The following PHKA1 variants were observed in gnomAD, a reference collection of about 807,000 sequenced individuals.
The protein encoded by PHKA1 is phosphorylase kinase regulatory subunit alpha 1.
A neutral mutation model predicts 110.2 loss-of-function variants in PHKA1; 60 were observed. The observed-to-expected ratio is 0.54, with a 90% CI of 0.44 to 0.68. The LOEUF (loss-of-function observed/expected upper bound fraction) is 0.68, where lower values mean the gene tolerates loss of function less well. PHKA1 is among the 30% of genes least tolerant of loss of function. The pLI is 0.00. For missense variants in PHKA1, 801 were observed against 942.5 expected (o/e 0.85, Z 1.97); for synonymous variants, 316 against 333.6 (o/e 0.95, Z 0.58).
chrX:72,608,781 G>A (rs2052766260), intron 23 of PHKA1, among the ~76,000 whole-genome samples: 1 of 111,018 alleles, frequency 9.0e-6, no homozygotes, highest in Admixed American at 9.6e-5. Context: ...AAAAAATGAG[G>A]GAGAAATATT....
At chrX:72,600,064 AT>A (rs1222372285) in intron 28 of PHKA1, among the ~76,000 whole-genome samples, 49 of 108,077 alleles carry the variant, frequency 4.5e-4, no homozygotes, top group Admixed American at 3.9e-3. Context: ...TACCCTTATA[AT>A]TTTTTTTTTC....
chrX:72,646,289 A>C (rs2053358887), intron 13 of PHKA1, among the ~76,000 whole-genome samples: 1 of 111,827 alleles, frequency 8.9e-6, no homozygotes, highest in Admixed American at 9.4e-5. Context: ...ACTGAAAGAC[A>C]GTCAAGTGAA....
At chrX:72,703,515 CA>C (rs782633832) in intron 3 of PHKA1, among the ~76,000 whole-genome samples, 8 of 109,544 alleles carry the variant, frequency 7.3e-5, no homozygotes, top group African/African-American at 2.3e-4. Context: ...TCCATCCCTA[CA>C]AAAAAAAATT....
intron 21 of PHKA1, among the ~76,000 whole-genome samples, chrX:72,615,005 A>G (rs782570481): frequency 9.8e-5 from 11 of 112,277 alleles, no homozygotes; most frequent in Non-Finnish European, 1.7e-4. Context: ...AAAGACAAAG[A>G]GAGAATTCTG....
intron 2 of PHKA1, among the ~76,000 whole-genome samples, chrX:72,707,287 C>T (rs1339983389): frequency 1.8e-5 from 2 of 111,841 alleles, no homozygotes; most frequent in Non-Finnish European, 3.8e-5. Context: ...AAACTAACTA[C>T]AGCATAGTCT....
chrX:72,647,882 C>T (rs981330343), intron 13 of PHKA1, among the ~76,000 whole-genome samples: 5 of 111,427 alleles, frequency 4.5e-5, no homozygotes, highest in Admixed American at 9.5e-5. Context: ...AAGAAATGTG[C>T]TTAATCTAGG....
At chrX:72,670,758 C>T (rs1487658155) in intron 6 of PHKA1, among the ~76,000 whole-genome samples, 2 of 111,809 alleles carry the variant, frequency 1.8e-5, no homozygotes, top group African/African-American at 6.5e-5. Context: ...GGCTTCATCC[C>T]TGGGATGCAA....
intron 19 of PHKA1, among the ~76,000 whole-genome samples, 157 bp from the exon 20 acceptor site, chrX:72,619,462 T>C (rs940854302): frequency 3.6e-5 from 4 of 112,021 alleles, no homozygotes; most frequent in Non-Finnish European, 7.5e-5. Flanking sequence ...AAAATAAATA[T>C]GAATATAAGA....
Position 72,695,797 on chromosome X carries a change from G to A in PHKA1, c.365C>T (p.Ala122Val). 1 of 1,204,519 alleles carries A rather than the reference G, an allele frequency of 8.3e-7. No individual in the cohort carries two copies. The highest frequency in any genetic ancestry group is 1.8e-5 in the South Asian group (1 of 56,770). Reference sequence around the variant, plus strand: ...CCATTGATCATCACCCACTACAGTGGCACAGGTTTTGGTGTTGTACTTTGC... The same window carrying A: ...CCATTGATCATCACCCACTACAGTGACACAGGTTTTGGTGTTGTACTTTGC... ...LHAKYNTKTC[A>V]TVVGDDQWGH... The change falls in exon 4 of 32, where the codon GCC (alanine) becomes GTC (valine). Residue 122 changes from alanine to valine, a missense_variant. Around this residue, in one of 2 missense-constraint regions of PHKA1, gnomAD observed 299 missense variants for 423.3 expected, o/e 0.71. Transcript: ENST00000373542.
chrX:72,702,900 G>A (rs1196334490), intron 3 of PHKA1, among the ~76,000 whole-genome samples: 1 of 111,658 alleles, frequency 9.0e-6, no homozygotes, highest in African/African-American at 3.3e-5. Context: ...CCTTTGGAAA[G>A]ACTTATCAGA....
In PHKA1 at chrX:72,653,493, A is replaced by G. The variant is rs1031189653; in HGVS notation, c.1079T>C (p.Ile360Thr). ...EYKEALEAVLIKGKNGVPLLP... is the reference protein window; with the variant it reads ...EYKEALEAVLTKGKNGVPLLP... The stretch of plus-strand genomic sequence containing the variant: ...AAGTGGGACTCCATTTTTGCCCTTG[A>G]TGAGGACTGCTTCAAGAGCCTCTTT... Residue 360 changes from isoleucine to threonine, a missense_variant, in exon 11 of 32, where the codon ATC becomes ACC. By Grantham distance (89) the Ile-to-Thr change is moderately conservative. Coordinates refer to ENST00000373542, the MANE Select transcript of PHKA1 (RefSeq NM_002637.4). 9.1e-6 allele frequency: 11 copies of G among 1,204,903 alleles called. No individual in the cohort carries two copies. Among genetic ancestry groups the G allele is most frequent in the Non-Finnish European group, 1.1e-5 (10 of 889,825 alleles).
At chrX:72,642,927 GACATTCCT>G (rs2053314601) in intron 14 of PHKA1, among the ~76,000 whole-genome samples, 1 of 111,290 alleles carries the variant, frequency 9.0e-6, no homozygotes, top group Admixed American at 9.6e-5. Context: ...TTAGGAAAGG[GACATTCCT>G]ACATCATAGC....
intron 6 of PHKA1, among the ~76,000 whole-genome samples, chrX:72,672,989 T>C (rs148487029): frequency 8.9e-6 from 1 of 112,254 alleles, no homozygotes; most frequent in Non-Finnish European, 1.9e-5. Context: ...GAAAGACAAG[T>C]AAGGACTGAG....
chrX:72,633,169 T>A (rs1556289334), intron 16 of PHKA1, among the ~76,000 whole-genome samples: 1 of 111,853 alleles, frequency 8.9e-6, no homozygotes, highest in African/African-American at 3.3e-5. Flanking sequence ...AGTGCTATGA[T>A]CTGAATGTGC....
intron 4 of PHKA1, among the ~76,000 whole-genome samples, chrX:72,694,414 T>TGGTACA (rs2054080663): frequency 8.9e-6 from 1 of 112,209 alleles, no homozygotes; most frequent in African/African-American, 3.2e-5. Flanking sequence ...CTATATGGCA[T>TGGTACA]GGTACACAGG....
intron 23 of PHKA1, among the ~76,000 whole-genome samples, chrX:72,608,590 C>G (rs889242041): frequency 1.3e-4 from 14 of 111,264 alleles, no homozygotes; most frequent in African/African-American, 4.6e-4. Context: ...CTTGCTGGAA[C>G]TTTTGTTTCT....
At chrX:72,640,914 A>G (rs2053289103) in intron 14 of PHKA1, among the ~76,000 whole-genome samples, 1 of 111,678 alleles carries the variant, frequency 9.0e-6, no homozygotes, top group African/African-American at 3.2e-5. Context: ...GGAAATATAT[A>G]TAAGTCTCAC....
At chrX:72,713,769 G>T in intron 1 of PHKA1, 34 bp downstream of exon 1, 2 of 1,097,998 alleles carry the variant, frequency 1.8e-6, no homozygotes, top group Non-Finnish European at 2.5e-6. Flanking sequence ...CTACATCCTC[G>T]CTCGGTGATT....
At chrX:72,655,149 T>C (rs1244027398) in intron 10 of PHKA1, among the ~76,000 whole-genome samples, 1 of 111,777 alleles carries the variant, frequency 8.9e-6, no homozygotes, top group African/African-American at 3.2e-5. Flanking sequence ...GGCTCATGCC[T>C]GTAATCCCAG....
Sources: gnomAD v4.1 joint callset for allele counts (sites outside exome capture counted in the v4.1 genomes callset) on GRCh38, gnomAD v4.1.1 for gene constraint, gnomAD v4.1.1 regional missense constraint, MANE v1.5 for transcripts, NCBI Gene and HGNC (gene_info 2026-07-23, HGNC 2026-07-21) for gene names.